The following PDE1C variants were observed in gnomAD, a reference collection of about 807,000 sequenced individuals.
PDE1C encodes phosphodiesterase 1C, also known as dual specificity calcium/calmodulin-dependent 3',5'-cyclic nucleotide phosphodiesterase 1C.
A neutral mutation model predicts 93.1 loss-of-function variants in PDE1C; 62 were observed. That is an observed-to-expected ratio of 0.67 (90% CI 0.54 to 0.82). The LOEUF is 0.82. PDE1C is among the 40% of genes least tolerant of loss of function. The pLI, the probability that PDE1C is intolerant of heterozygous loss-of-function variation, is 0.00. For synonymous variants in PDE1C, 325 were observed against 310.1 expected, an observed-to-expected ratio of 1.05 and a Z score of -0.50; for missense variants, 742 against 884.6, an observed-to-expected ratio of 0.84 and a Z score of 2.04.
At position 31,828,362 on chromosome 7, in the gene PDE1C, T is replaced by C. The variant is rs1308878058; in HGVS notation, c.1215A>G (p.Glu405=). The C allele has an allele frequency of 6.2e-7, 1 of 1,612,276 alleles. No homozygotes were observed. The highest frequency in any genetic ancestry group is 2.2e-5 in the East Asian group (1 of 44,798). Reference sequence around the variant, plus strand: ...GAGAAAAAGGCAGCCCCAGCTCTGCTTCTCTGTCACCCTGGAAAAATAAAA... The same window carrying C: ...GAGAAAAAGGCAGCCCCAGCTCTGCCTCTCTGTCACCCTGGAAAAATAAAA... The part of the protein sequence containing the change: ...LEEFFRQGDR[E]AELGLPFSPL... The change falls in exon 12 of 18, where the codon GAA becomes GAG. Residue 405 remains glutamate, a synonymous_variant. Coordinates refer to ENST00000396191, the MANE Select transcript of PDE1C (RefSeq NM_001191057.4).
chr7:32,383,725 A>G (rs1324743191), intron 1 of PDE1C, among the ~76,000 whole-genome samples: 2 of 152,186 alleles, frequency 1.3e-5, no homozygotes, highest in African/African-American at 2.4e-5. Context: ...TGATTCACCC[A>G]TTCATTCAGT....
At chr7:32,015,091 T>C (rs1354816739) in intron 2 of PDE1C, among the ~76,000 whole-genome samples, 3 of 151,990 alleles carry the variant, frequency 2.0e-5, no homozygotes, top group Non-Finnish European at 4.4e-5. Context: ...CCTGCCTTCC[T>C]GCCTTGCCCT....
chr7:32,081,322 C>T (rs535068409), intron 3 of PDE1C, among the ~76,000 whole-genome samples: 1 of 152,312 alleles, frequency 6.6e-6, no homozygotes, highest in East Asian at 1.9e-4. Flanking sequence ...TGGGCAGAGC[C>T]AACAGAGACT....
chr7:31,620,798 G>A, the PDE1C span, among the ~76,000 whole-genome samples: 192 of 152,238 alleles, frequency 1.3e-3, no homozygotes, highest in African/African-American at 4.0e-3. Flanking sequence ...GACATCAGAC[G>A]ATCAAACTAC....
chr7:31,841,295 C>T (rs1380371374), intron 9 of PDE1C, among the ~76,000 whole-genome samples: 1 of 147,052 alleles, frequency 6.8e-6, no homozygotes, highest in African/African-American at 2.5e-5. Flanking sequence ...TTACATTAAC[C>T]TTGTATTCTG....
chr7:32,393,568 G>T (rs552329799), intron 1 of PDE1C, among the ~76,000 whole-genome samples: 3 of 152,194 alleles, frequency 2.0e-5, no homozygotes, highest in Non-Finnish European at 4.4e-5. Context: ...GTTAATTATT[G>T]TCATTTTCCT....
At chr7:31,862,824 C>T (rs1303638765) in intron 7 of PDE1C, among the ~76,000 whole-genome samples, 1 of 152,184 alleles carries the variant, frequency 6.6e-6, no homozygotes, top group Non-Finnish European at 1.5e-5. Context: ...TTTTGAAACT[C>T]TAATCAATTC....
chr7:32,349,206 A>ATT (rs1783911246), intron 1 of PDE1C, among the ~76,000 whole-genome samples: 1 of 152,132 alleles, frequency 6.6e-6, no homozygotes, highest in Non-Finnish European at 1.5e-5. Flanking sequence ...GCCAAATATT[A>ATT]CTCCATTCAG....
intron 9 of PDE1C, among the ~76,000 whole-genome samples, chr7:31,842,262 C>T (rs564627678): frequency 3.0e-4 from 45 of 152,092 alleles, no homozygotes; most frequent in African/African-American, 1.0e-3. Context: ...CTTTAACATT[C>T]CTTTTTATGA....
chr7:31,808,728 C>T (rs1787169689), intron 16 of PDE1C, among the ~76,000 whole-genome samples: 1 of 151,858 alleles, frequency 6.6e-6, no homozygotes, highest in Non-Finnish European at 1.5e-5. Flanking sequence ...TCCATTCTAG[C>T]TGTCTGATCA....
chr7:32,294,542 G>C (rs1003507508), intron 1 of PDE1C, among the ~76,000 whole-genome samples: 4 of 152,194 alleles, frequency 2.6e-5, no homozygotes, highest in Admixed American at 1.3e-4. Flanking sequence ...CATCAAAAGA[G>C]ATCAAGTGGG....
intron 1 of PDE1C, among the ~76,000 whole-genome samples, chr7:32,297,573 G>T (rs1006916125): frequency 6.6e-6 from 1 of 152,094 alleles, no homozygotes; most frequent in African/African-American, 2.4e-5. Context: ...TCACAGCATG[G>T]GGCGGAAGGT....
At chr7:32,335,873 C>T (rs1261210964) in intron 1 of PDE1C, among the ~76,000 whole-genome samples, 1 of 152,096 alleles carries the variant, frequency 6.6e-6, no homozygotes. Flanking sequence ...GGTCCATAGG[C>T]ATGCACCACT....
intron 1 of PDE1C, among the ~76,000 whole-genome samples, chr7:32,061,639 C>G (rs1394860298): frequency 6.6e-6 from 1 of 152,242 alleles, no homozygotes; most frequent in Non-Finnish European, 1.5e-5. Context: ...AGGGCTCATC[C>G]CATTTGGCTC....
At chr7:32,299,406 C>A, upstream of PDE1C, 1 of 985,596 alleles carries the variant, frequency 1.0e-6, no homozygotes, top group Non-Finnish European at 1.2e-6. Flanking sequence ...GTTTCTTCTC[C>A]ACTGTCCCTG....
At position 31,884,643 on chromosome 7, in the gene PDE1C, T is replaced by C. The variant is rs371521747; in HGVS notation, c.129-3783A>G. 5.6e-4 allele frequency among the ~76,000 whole-genome samples: 85 copies of C among 152,298 alleles called. 3 individuals carry two copies. The South Asian group carries it at 0.017, about 31-fold the overall frequency. The stretch of plus-strand genomic sequence containing the variant: ...GTTGAGCTTTAGCATAGTGTTCAGG[T>C]GCTTATGCTCCATAGGCCCCTCAGC... On this transcript the variant is annotated intron_variant, in intron 2 of 17. Coordinates refer to ENST00000396191, the MANE Select transcript of PDE1C (RefSeq NM_001191057.4).
At chr7:32,172,400 T>C (rs1802709574) in intron 2 of PDE1C, among the ~76,000 whole-genome samples, 1 of 152,026 alleles carries the variant, frequency 6.6e-6, no homozygotes, top group African/African-American at 2.4e-5. Context: ...CAGACACTTC[T>C]CCAAAGAAGA....
At chr7:31,652,655 C>A in the PDE1C span, 1 of 1,613,690 alleles carries the variant, frequency 6.2e-7, no homozygotes, top group South Asian at 1.1e-5. Context: ...TGTTTCCTCC[C>A]GATGATGGCC....
intron 3 of PDE1C, among the ~76,000 whole-genome samples, chr7:32,106,855 G>A (rs1346316373): frequency 1.3e-5 from 2 of 151,970 alleles, no homozygotes; most frequent in East Asian, 3.9e-4. Flanking sequence ...CTCAAATATG[G>A]CAGAGATTTT....
Sources: gnomAD v4.1 joint callset for allele counts (sites outside exome capture counted in the v4.1 genomes callset) on GRCh38, gnomAD v4.1.1 for gene constraint, MANE v1.5 for transcripts, NCBI Gene and HGNC (gene_info 2026-07-23, HGNC 2026-07-21) for gene names.